Variants in DPP6 observed in about 807,000 individuals in gnomAD.
DPP6 encodes the protein A-type potassium channel modulatory protein DPP6.
Under a neutral mutation model 122.6 loss-of-function variants are expected in DPP6, and 69 were observed. That is an observed-to-expected ratio of 0.56 (90% CI 0.46 to 0.69). The LOEUF is 0.69. Ranked by LOEUF, DPP6 falls within the 30% of genes least tolerant of loss-of-function variation. The probability of loss-of-function intolerance (pLI) is 0.00; values close to 1 mark genes in which losing one functional copy is unlikely to be tolerated. For synonymous variants in DPP6, 418 were observed against 433.1 expected (o/e 0.97, Z 0.43); for missense variants, 928 against 1,116.9 (o/e 0.83, Z 2.41).
chr7:154,190,528 A>G (rs1798566450), intron 1 of DPP6, among the ~76,000 whole-genome samples: 2 of 152,316 alleles, frequency 1.3e-5, no homozygotes, highest in South Asian at 4.1e-4. Flanking sequence ...ACTTAAGTAT[A>G]TGATTTAATT....
chr7:154,483,401 T>TTTTTTAA lies in DPP6; in HGVS notation c.457+8364_457+8365insTTTTTAA, dbSNP rs61038137. Among the ~76,000 whole-genome samples, 12 of 151,248 alleles carry TTTTTTAA rather than the reference T, an allele frequency of 7.9e-5. No individual in the cohort carries two copies. The highest frequency in any genetic ancestry group is 2.4e-4 in the African/African-American group (10 of 41,130). On this transcript the variant is annotated intron_variant, in intron 3 of 25. Coordinates refer to ENST00000377770, the MANE Select transcript of DPP6 (RefSeq NM_130797.4). The surrounding 1 kb of genome is among the most constrained non-coding windows in gnomAD (Gnocchi z 8.1). ...AGGCACAATACAATTTTTTTTTTTTTAAAAGCATTTATTTGAGCAAACAGT... is the reference window on the plus strand; with the variant it reads ...AGGCACAATACAATTTTTTTTTTTTTTTTTTAAAAAAGCATTTATTTGAGCAAACAGT...
the DPP6 span, among the ~76,000 whole-genome samples, chr7:153,782,753 T>C: frequency 1.3e-5 from 2 of 152,146 alleles, no homozygotes; most frequent in Non-Finnish European, 2.9e-5. Flanking sequence ...GGTGTGAGTG[T>C]TTTCTCAAGA....
At chr7:154,244,761 T>G (rs1801863804) in intron 1 of DPP6, among the ~76,000 whole-genome samples, 3 of 152,012 alleles carry the variant, frequency 2.0e-5, no homozygotes, top group Admixed American at 1.3e-4. Context: ...TCTTTGATTA[T>G]CCCCAGAGAA....
At chr7:154,670,258 T>C (rs963582792) in intron 7 of DPP6, among the ~76,000 whole-genome samples, 1 of 152,198 alleles carries the variant, frequency 6.6e-6, no homozygotes, top group Non-Finnish European at 1.5e-5. Flanking sequence ...TGCAGCCTTC[T>C]CGGTTTCTAT....
chr7:154,646,649 C>T (rs901107809), intron 6 of DPP6, among the ~76,000 whole-genome samples: 2 of 151,354 alleles, frequency 1.3e-5, no homozygotes, highest in Non-Finnish European at 2.9e-5. Flanking sequence ...GAATGCTTTC[C>T]ATATCCATGT....
intron 1 of DPP6, among the ~76,000 whole-genome samples, chr7:154,333,894 G>GA (rs1809168818): frequency 1.3e-5 from 2 of 152,048 alleles, no homozygotes; most frequent in African/African-American, 2.4e-5. Flanking sequence ...GACAAAACTG[G>GA]AAAAAATGAG....
At chr7:154,698,812 G>A (rs1368296608) in intron 7 of DPP6, among the ~76,000 whole-genome samples, 4 of 152,212 alleles carry the variant, frequency 2.6e-5, no homozygotes, top group Non-Finnish European at 5.9e-5. Flanking sequence ...CAGGCGTAGC[G>A]GAGCCCCTGA....
At chr7:153,926,924 C>T (rs1165025834) in intron 1 of DPP6, among the ~76,000 whole-genome samples, 1 of 152,072 alleles carries the variant, frequency 6.6e-6, no homozygotes, top group Non-Finnish European at 1.5e-5. Flanking sequence ...TATACACACA[C>T]CTACACATTC....
At chr7:154,479,507 G>A (rs1161279413) in intron 3 of DPP6, among the ~76,000 whole-genome samples, 2 of 140,986 alleles carry the variant, frequency 1.4e-5, no homozygotes, top group Non-Finnish European at 1.5e-5. Context: ...GCAGTGAGCC[G>A]ACATTGCGCC....
chr7:153,978,173 G>GTGTAAAAGCGTTCT (rs1431972718), intron 1 of DPP6, among the ~76,000 whole-genome samples: 1 of 152,222 alleles, frequency 6.6e-6, no homozygotes, highest in Non-Finnish European at 1.5e-5. Flanking sequence ...CCCACCAACA[G>GTGTAAAAGCGTTCT]TGTAAAAGCG....
intron 3 of DPP6, among the ~76,000 whole-genome samples, chr7:154,497,766 T>C (rs913732482): frequency 3.3e-5 from 5 of 152,140 alleles, no homozygotes; most frequent in African/African-American, 1.2e-4. Context: ...TGAATATGCT[T>C]AGAGGAAAAA....
chr7:154,182,019 T>C (rs1001038819), intron 1 of DPP6, among the ~76,000 whole-genome samples: 41 of 152,132 alleles, frequency 2.7e-4, no homozygotes, highest in African/African-American at 9.4e-4. Context: ...CCCAAAGTGC[T>C]GAGATTACAG....
At chr7:154,649,798 A>G (rs1836753247) in intron 6 of DPP6, among the ~76,000 whole-genome samples, 1 of 152,312 alleles carries the variant, frequency 6.6e-6, no homozygotes, top group South Asian at 2.1e-4. Context: ...ATGACATATC[A>G]GCCGCGAAGA....
chr7:154,517,167 C>A (rs924996006), intron 3 of DPP6, among the ~76,000 whole-genome samples: 11 of 152,098 alleles, frequency 7.2e-5, no homozygotes, highest in Admixed American at 1.3e-4. Flanking sequence ...GCTCCCCTGG[C>A]AGGACTGGAC....
At chr7:154,255,836 A>G (rs1802625192) in intron 1 of DPP6, among the ~76,000 whole-genome samples, 1 of 152,228 alleles carries the variant, frequency 6.6e-6, no homozygotes, top group Non-Finnish European at 1.5e-5. Context: ...TCTGTCAAAT[A>G]AATGACTTAG....
intron 1 of DPP6, among the ~76,000 whole-genome samples, chr7:154,077,756 C>T (rs2533690): frequency 2.6e-5 from 4 of 151,658 alleles, no homozygotes; most frequent in South Asian, 4.2e-4. Context: ...CTGCAACCTC[C>T]GCCTCCCGGG....
chr7:153,950,924 T>C (rs998722514), intron 1 of DPP6, among the ~76,000 whole-genome samples: 1 of 152,094 alleles, frequency 6.6e-6, no homozygotes, highest in African/African-American at 2.4e-5. Context: ...TAGGTGTGCG[T>C]GCGGTGCCCT....
Position 153,896,086 on chromosome 7 carries a change from T to C in DPP6, c.51+8352T>C, listed in dbSNP as rs1799402230. On this transcript the variant is annotated intron_variant, in intron 1 of 25. Transcript: ENST00000404039. The stretch of plus-strand genomic sequence containing the variant: ...CTAAGGCTGAGCACATTTTCTTCAC[T>C]GATATTGGTATTTGAAAAGTGGGAT... Among the ~76,000 whole-genome samples, 3 of 152,260 alleles carry C rather than the reference T, an allele frequency of 2.0e-5. No individual in the cohort carries two copies. The South Asian group carries it at 6.2e-4, about 32-fold the overall frequency.
intron 1 of DPP6, among the ~76,000 whole-genome samples, chr7:154,062,616 C>T (rs1171251252): frequency 3.3e-5 from 1 of 30,366 alleles, no homozygotes; most frequent in Non-Finnish European, 5.8e-5. Context: ...ACCCCTGGTT[C>T]CCCCACTGGC....
Sources: gnomAD v4.1 joint callset for allele counts (sites outside exome capture counted in the v4.1 genomes callset) on GRCh38, gnomAD v4.1.1 for gene constraint, Gnocchi (gnomAD v3.1) non-coding constraint, MANE v1.5 for transcripts, NCBI Gene and HGNC (gene_info 2026-07-23, HGNC 2026-07-21) for gene names.